The following RORA variants were observed in gnomAD, a reference collection of about 807,000 sequenced individuals.
The protein encoded by RORA is RAR related orphan receptor A.
Under a neutral mutation model 69.5 loss-of-function variants are expected in RORA, and 7 were observed. The ratio of observed to expected loss-of-function variants is 0.10; its 90% CI spans 0.06 to 0.19. The LOEUF (loss-of-function observed/expected upper bound fraction) is 0.19. Ranked by LOEUF, RORA falls within the 10% of genes least tolerant of loss-of-function variation. RORA has a pLI of 1.00. For synonymous variants in RORA, 261 were observed against 240.8 expected, an observed-to-expected ratio of 1.08 and a Z score of -0.78; for missense variants, 457 against 663.0, an observed-to-expected ratio of 0.69 and a Z score of 3.41.
chr15:60,829,040 G>C (rs142264013), intron 1 of RORA, among the ~76,000 whole-genome samples: 342 of 152,248 alleles, frequency 2.2e-3, no homozygotes, highest in African/African-American at 7.8e-3. Flanking sequence ...CCATGGGTCG[G>C]GGGGAGTGAT....
intron 2 of RORA, chr15:60,592,446 G>T: frequency 7.1e-7 from 1 of 1,415,884 alleles, no homozygotes; most frequent in Non-Finnish European, 9.3e-7. Context: ...AGCGCAGGGA[G>T]AGCGGATGGT....
intron 1 of RORA, among the ~76,000 whole-genome samples, chr15:60,865,175 C>G (rs2073474342): frequency 6.6e-6 from 1 of 152,210 alleles, no homozygotes; most frequent in African/African-American, 2.4e-5. Flanking sequence ...CTGATAAACC[C>G]TGAACAGGGC....
chr15:60,503,704 A>G (rs1778818053), intron 6 of RORA, 37 bp from the exon 7 acceptor site: 1 of 1,609,374 alleles, frequency 6.2e-7, no homozygotes, highest in African/African-American at 1.3e-5. Context: ...TCCTCCAGGA[A>G]GATGTTAGCT....
At chr15:61,030,852 C>T (rs919723544) in intron 1 of RORA, among the ~76,000 whole-genome samples, 5 of 152,006 alleles carry the variant, frequency 3.3e-5, no homozygotes, top group East Asian at 1.9e-4. Context: ...GAGAAAAACG[C>T]AAATGATTGT....
At chr15:60,656,272 G>A (rs939407161) in intron 2 of RORA, among the ~76,000 whole-genome samples, 5 of 152,132 alleles carry the variant, frequency 3.3e-5, no homozygotes, top group African/African-American at 1.2e-4. Context: ...CTCAAAACTA[G>A]GGCCTTCTGA....
chr15:60,545,765 AG>A (rs751903869), intron 2 of RORA, among the ~76,000 whole-genome samples: 3 of 152,314 alleles, frequency 2.0e-5, no homozygotes, highest in South Asian at 2.1e-4. Flanking sequence ...TTAACCTCAA[AG>A]AATGTCTTCT....
At chr15:60,567,208 C>T (rs1261988605) in intron 2 of RORA, among the ~76,000 whole-genome samples, 1 of 151,288 alleles carries the variant, frequency 6.6e-6, no homozygotes, top group Admixed American at 6.6e-5. Context: ...AAAAAAAGAC[C>T]TGGTGATGAC....
At chr15:60,816,018 A>ATT (rs2072809207) in intron 1 of RORA, among the ~76,000 whole-genome samples, 1 of 63,352 alleles carries the variant, frequency 1.6e-5, no homozygotes, top group Non-Finnish European at 5.3e-5. Context: ...ATAAGTATTT[A>ATT]TATACTATAT....
At chr15:60,938,769 A>G (rs1019814295) in intron 1 of RORA, among the ~76,000 whole-genome samples, 2 of 152,356 alleles carry the variant, frequency 1.3e-5, no homozygotes, top group East Asian at 3.9e-4. Flanking sequence ...AAAAATAAAA[A>G]TGATAATTGG....
At chr15:61,125,384 T>C (rs1300771581) in intron 1 of RORA, among the ~76,000 whole-genome samples, 2 of 152,230 alleles carry the variant, frequency 1.3e-5, no homozygotes, top group Non-Finnish European at 2.9e-5. Flanking sequence ...GAGCAGTTAA[T>C]TTCTTTATTG....
chr15:61,184,491 A>G (rs141082954), intron 1 of RORA, among the ~76,000 whole-genome samples: 2 of 152,216 alleles, frequency 1.3e-5, no homozygotes, highest in South Asian at 2.1e-4. Context: ...TGTGGTACCT[A>G]TGTACCTGGT....
At chr15:60,977,376 A>G (rs1893906434) in intron 1 of RORA, among the ~76,000 whole-genome samples, 1 of 152,166 alleles carries the variant, frequency 6.6e-6, no homozygotes, top group East Asian at 1.9e-4. Flanking sequence ...ATGTTATGCT[A>G]AAAACAAATT....
intron 1 of RORA, among the ~76,000 whole-genome samples, chr15:60,808,835 G>A (rs541264114): frequency 1.1e-4 from 16 of 152,028 alleles, no homozygotes; most frequent in Non-Finnish European, 1.9e-4. Context: ...TGAAATAATG[G>A]TGTTTGCAGC....
chr15:60,561,211 AGCTGG>A (rs1327731085), intron 2 of RORA, among the ~76,000 whole-genome samples: 2 of 151,442 alleles, frequency 1.3e-5, no homozygotes, highest in Non-Finnish European at 2.9e-5. Context: ...CCTCCCGAGT[AGCTGG>A]GACTACAGGC....
intron 1 of RORA, among the ~76,000 whole-genome samples, chr15:61,205,504 T>C (rs2079933138): frequency 6.6e-6 from 1 of 152,176 alleles, no homozygotes; most frequent in African/African-American, 2.4e-5. Flanking sequence ...GAGTTTCGCT[T>C]TGTCTAGTCA....
At chr15:60,730,981 C>T (rs757400453) in intron 1 of RORA, among the ~76,000 whole-genome samples, 42 of 151,864 alleles carry the variant, frequency 2.8e-4, no homozygotes, top group African/African-American at 9.7e-4. Flanking sequence ...GGTTGTTGTA[C>T]GGAATATTTC....
intron 1 of RORA, among the ~76,000 whole-genome samples, chr15:61,008,650 C>T (rs940016067): frequency 7.2e-5 from 11 of 152,000 alleles, no homozygotes; most frequent in South Asian, 2.1e-4. Context: ...GAAAAAAATG[C>T]GCATGTAGAT....
In RORA at chr15:61,026,784, C is replaced by A. The variant is rs534250770; in HGVS notation, c.166+202269G>T. Among the ~76,000 whole-genome samples the A allele has an allele frequency of 1.8e-4, 28 of 152,298 alleles. No individual in the cohort carries two copies. In the South Asian group the frequency reaches 5.4e-3, roughly 29 times the overall value. On this transcript the variant is annotated intron_variant, in intron 1 of 10. Coordinates refer to ENST00000335670, the MANE Select transcript of RORA (RefSeq NM_134261.3). ...CTATTTTAAACTCAAAAACCAGACACAAGAAGTACCTATGGCTAATCTTTT... is the reference window on the plus strand; with the variant it reads ...CTATTTTAAACTCAAAAACCAGACAAAAGAAGTACCTATGGCTAATCTTTT...
At chr15:60,746,904 G>A (rs1178629805) in intron 1 of RORA, among the ~76,000 whole-genome samples, 1 of 152,202 alleles carries the variant, frequency 6.6e-6, no homozygotes, top group Non-Finnish European at 1.5e-5. Flanking sequence ...TTCCAGTGGG[G>A]AAGAGTCGAA....
Sources: gnomAD v4.1 joint callset for allele counts (sites outside exome capture counted in the v4.1 genomes callset) on GRCh38, gnomAD v4.1.1 for gene constraint, MANE v1.5 for transcripts, NCBI Gene and HGNC (gene_info 2026-07-23, HGNC 2026-07-21) for gene names.